Variants in ZC3HAV1 observed in about 807,000 individuals in gnomAD.
ZC3HAV1 encodes the protein zinc finger CCCH-type antiviral protein 1.
Under a neutral mutation model 86.6 loss-of-function variants are expected in ZC3HAV1, and 41 were observed. The ratio of observed to expected loss-of-function variants is 0.47; its 90% confidence interval spans 0.37 to 0.61. The LOEUF (loss-of-function observed/expected upper bound fraction) is 0.61, where lower values mean the gene tolerates loss of function less well. ZC3HAV1 is among the 20% of genes least tolerant of loss of function. The pLI is 0.00. For synonymous variants in ZC3HAV1, 421 were observed against 432.1 expected (o/e 0.97, Z 0.32); for missense variants, 964 against 1,141.1 (o/e 0.84, Z 2.24).
chr7:139,056,410 C>T (rs1281102065), intron 9 of ZC3HAV1, among the ~76,000 whole-genome samples: 51 of 131,938 alleles, frequency 3.9e-4, no homozygotes, highest in Admixed American at 5.4e-4. Context: ...TTTTTCTTTT[C>T]TTTTCTTTTT....
Position 139,109,463 on chromosome 7 carries a change from C to T in ZC3HAV1, c.-132G>A. On this transcript the variant is annotated 5_prime_UTR_variant, in exon 1 of 13. Transcript: ENST00000242351. ...TGGGCGCGCCCGGAGTCAGCGAGGG[C>T]GCGCTCTCCGTCGCCGTTAGCCCAG... is the stretch of plus-strand genomic sequence containing the variant. The T allele has an allele frequency of 1.7e-6, 2 of 1,163,712 alleles. No individual in the cohort carries two copies. Among genetic ancestry groups the T allele is most frequent in the Non-Finnish European group, 2.3e-6 (2 of 857,318 alleles). The allele number at this position is 1,163,712 out of a possible 1,614,324, so 72.1% of individuals were successfully genotyped here.
At position 139,054,051 on chromosome 7, in the gene ZC3HAV1, A is replaced by G; in HGVS notation, c.2232T>C (p.Ser744=). The G allele has an allele frequency of 1.2e-6, 2 of 1,605,814 alleles. No individual in the cohort carries two copies. The highest frequency in any genetic ancestry group is 1.1e-5 in the South Asian group (1 of 88,556). The change falls in exon 11 of 13, where the codon AGT becomes AGC. Residue 744 remains serine, a synonymous_variant. Transcript: ENST00000242351. ...HHLHPEYVRV[S]EHFKASMKNF... ...TTTTCATGGAAGCTTTAAAATGCTC[A>G]CTTACTCTGACATATTCTGGATGTA...
At chr7:139,089,496 C>A in intron 2 of ZC3HAV1, 128 bp downstream of exon 2, 1 of 1,231,468 alleles carries the variant, frequency 8.1e-7, no homozygotes, top group Non-Finnish European at 1.1e-6. Context: ...CACTCAATAA[C>A]AGCCTCGACT....
intron 7 of ZC3HAV1, among the ~76,000 whole-genome samples, chr7:139,068,515 C>A (rs539365105): frequency 4.3e-4 from 66 of 152,326 alleles, no homozygotes; most frequent in African/African-American, 1.6e-3. Flanking sequence ...AGTAGCCAAG[C>A]TATGTGTGGC....
intron 9 of ZC3HAV1, among the ~76,000 whole-genome samples, chr7:139,059,283 C>G (rs1389528801): frequency 6.6e-6 from 1 of 152,132 alleles, no homozygotes; most frequent in Non-Finnish European, 1.5e-5. Flanking sequence ...TTCCCTAAAC[C>G]CTGAAATATT....
At chr7:139,053,919 T>A (rs898602608) in intron 11 of ZC3HAV1, 46 bp downstream of exon 11, 1 of 1,580,726 alleles carries the variant, frequency 6.3e-7, no homozygotes, top group Admixed American at 2.0e-5. Context: ...TATTAACTAA[T>A]CCTTTCCGGT....
intron 1 of ZC3HAV1, among the ~76,000 whole-genome samples, chr7:139,096,269 C>G (rs904030743): frequency 5.3e-5 from 8 of 152,194 alleles, no homozygotes; most frequent in Non-Finnish European, 1.0e-4. Context: ...CCGTCTCAGC[C>G]TCCCAAAGTG....
chr7:139,089,761 T>A lies in ZC3HAV1; in HGVS notation c.309-2A>T. The A allele has an allele frequency of 6.2e-7, 1 of 1,606,224 alleles. No individual in the cohort carries two copies. The highest frequency in any genetic ancestry group is 8.5e-7 in the Non-Finnish European group (1 of 1,177,728). On this transcript the variant is annotated splice_acceptor_variant, in intron 1 of 12. Transcript: ENST00000242351. LOFTEE classifies it high-confidence loss of function. ...TCATGAGAATATTTGCATAAATTCC[T>A]GGAAGAAAACACGACAATGGTCAGT...
chr7:139,059,232 A>G (rs2130674341), intron 9 of ZC3HAV1, among the ~76,000 whole-genome samples: 1 of 152,312 alleles, frequency 6.6e-6, no homozygotes, highest in South Asian at 2.1e-4. Context: ...CTCATCCACC[A>G]GAATGTAAGC....
chr7:139,081,410 TTA>T (rs1225644033), intron 3 of ZC3HAV1, among the ~76,000 whole-genome samples: 2 of 152,150 alleles, frequency 1.3e-5, no homozygotes, highest in African/African-American at 4.8e-5. Context: ...ACTCAGGAGA[TTA>T]ACTGGAAGTG....
intron 12 of ZC3HAV1, among the ~76,000 whole-genome samples, chr7:139,053,080 T>C (rs1816182856): frequency 6.6e-6 from 1 of 152,154 alleles, no homozygotes; most frequent in African/African-American, 2.4e-5. Context: ...AAAACCAATC[T>C]GTGACAACTG....
intron 7 of ZC3HAV1, among the ~76,000 whole-genome samples, chr7:139,066,323 C>T (rs939283686): frequency 2.0e-5 from 3 of 152,098 alleles, no homozygotes; most frequent in Non-Finnish European, 2.9e-5. Flanking sequence ...TGGTTGTAAG[C>T]GGAGGGCAAC....
chr7:139,108,548 C>T lies in ZC3HAV1; in HGVS notation c.308+476G>A, dbSNP rs1818004168. On this transcript the variant is annotated intron_variant, in intron 1 of 12. Transcript: ENST00000242351. This position sits in a 1 kb window ranked among gnomAD's most constrained non-coding sequence, Gnocchi z 4.2. ...AAGCAGAGAGACCTGCGGCTCGCTC[C>T]GGCGGAGACGGACCGGGGGCCCAGG... 1.3e-5 allele frequency among the ~76,000 whole-genome samples: 2 copies of T among 152,170 alleles called. No homozygotes were observed. Among genetic ancestry groups the T allele is most frequent in the Admixed American group, 6.5e-5 (1 of 15,278 alleles).
intron 7 of ZC3HAV1, among the ~76,000 whole-genome samples, chr7:139,069,584 C>A (rs1008908405): frequency 2.8e-4 from 42 of 152,290 alleles, no homozygotes; most frequent in African/African-American, 9.9e-4. Flanking sequence ...ATCACTCTAC[C>A]CTACACCATT....
chr7:139,100,297 C>G (rs1291887518), intron 1 of ZC3HAV1, among the ~76,000 whole-genome samples: 1 of 151,828 alleles, frequency 6.6e-6, no homozygotes, highest in Non-Finnish European at 1.5e-5. Context: ...TTTGGGAGGC[C>G]AAGGTGGGCA....
intron 8 of ZC3HAV1, 98 bp from the exon 9 acceptor site, chr7:139,061,236 T>G: frequency 8.7e-7 from 1 of 1,150,936 alleles, no homozygotes; most frequent in South Asian, 1.4e-5. Flanking sequence ...CGGCAAATAT[T>G]CAAGACTGAC....
At chr7:139,058,232 T>G (rs1378988993) in intron 9 of ZC3HAV1, among the ~76,000 whole-genome samples, 3 of 147,568 alleles carry the variant, frequency 2.0e-5, no homozygotes, top group Non-Finnish European at 4.5e-5. Context: ...CTATGTGCCA[T>G]GCATTATACA....
intron 7 of ZC3HAV1, among the ~76,000 whole-genome samples, chr7:139,067,433 G>T (rs1816637171): frequency 6.6e-6 from 1 of 152,168 alleles, no homozygotes; most frequent in Non-Finnish European, 1.5e-5. Context: ...TTGCAGGCAT[G>T]AGCTACTGCA....
chr7:139,083,746 G>C, intron 3 of ZC3HAV1, 34 bp downstream of exon 3: 2 of 1,337,862 alleles, frequency 1.5e-6, no homozygotes, highest in Non-Finnish European at 2.0e-6. Context: ...AAAAAAAAAA[G>C]AGTTCACACA....
Sources: gnomAD v4.1 joint callset for allele counts (sites outside exome capture counted in the v4.1 genomes callset) on GRCh38, gnomAD v4.1.1 for gene constraint, Gnocchi (gnomAD v3.1) non-coding constraint, MANE v1.5 for transcripts, NCBI Gene and HGNC (gene_info 2026-07-23, HGNC 2026-07-21) for gene names.